Variants in EBF2 observed in about 807,000 individuals in gnomAD.
The protein encoded by EBF2 is EBF transcription factor 2, also known as transcription factor COE2.
In EBF2, 21 loss-of-function variants were observed where a neutral mutation model predicts 72.8. The ratio of observed to expected loss-of-function variants is 0.29; its 90% CI spans 0.20 to 0.42. The LOEUF is 0.42. Ranked by LOEUF, EBF2 falls within the 10% of genes least tolerant of loss-of-function variation. The pLI, the probability that EBF2 is intolerant of heterozygous loss-of-function variation, is 1.00. For synonymous variants in EBF2, 299 were observed against 274.2 expected (o/e 1.09, Z -0.89); for missense variants, 637 against 731.2 (o/e 0.87, Z 1.49).
chr8:25,918,140 G>T (rs1028489409), intron 6 of EBF2, among the ~76,000 whole-genome samples: 1 of 152,168 alleles, frequency 6.6e-6, no homozygotes, highest in East Asian at 1.9e-4. Context: ...AGAAAGTGGC[G>T]GACAAAGTTC....
At chr8:25,904,735 G>A (rs569423242) in intron 7 of EBF2, among the ~76,000 whole-genome samples, 1 of 152,168 alleles carries the variant, frequency 6.6e-6, no homozygotes, top group Non-Finnish European at 1.5e-5. Context: ...TTTGGAACCT[G>A]AACTAAGTTT....
At chr8:25,972,602 C>A (rs528374822) in intron 6 of EBF2, among the ~76,000 whole-genome samples, 4 of 152,242 alleles carry the variant, frequency 2.6e-5, no homozygotes, top group Admixed American at 6.5e-5. Context: ...TATGGAAACC[C>A]CTGCCTCATT....
intron 6 of EBF2, among the ~76,000 whole-genome samples, chr8:25,934,567 C>A (rs892960131): frequency 6.6e-6 from 1 of 152,156 alleles, no homozygotes; most frequent in Admixed American, 6.5e-5. Context: ...CTGTCCATGT[C>A]GTATCACAAG....
At chr8:26,015,155 G>A (rs1029210552) in intron 6 of EBF2, among the ~76,000 whole-genome samples, 7 of 152,104 alleles carry the variant, frequency 4.6e-5, no homozygotes, top group Non-Finnish European at 1.0e-4. Context: ...CCAGGAAAAG[G>A]TCATGGTGCT....
intron 6 of EBF2, among the ~76,000 whole-genome samples, chr8:25,979,420 G>A (rs1285483195): frequency 6.6e-6 from 1 of 152,336 alleles, no homozygotes; most frequent in East Asian, 1.9e-4. Flanking sequence ...GGAGATGGCT[G>A]TGGCGTGCTG....
At chr8:25,959,663 C>G (rs1320903865) in intron 6 of EBF2, among the ~76,000 whole-genome samples, 1 of 152,204 alleles carries the variant, frequency 6.6e-6, no homozygotes, top group Non-Finnish European at 1.5e-5. Context: ...TGTGTCAGCA[C>G]TGTAGCCATT....
intron 10 of EBF2, among the ~76,000 whole-genome samples, chr8:25,880,106 A>C (rs1175834480): frequency 6.6e-6 from 1 of 152,224 alleles, no homozygotes; most frequent in African/African-American, 2.4e-5. Context: ...TGTATAACAT[A>C]GCAGTTAACA....
At chr8:25,845,827 T>G (rs1010395156) in intron 15 of EBF2, among the ~76,000 whole-genome samples, 3 of 152,248 alleles carry the variant, frequency 2.0e-5, no homozygotes, top group African/African-American at 7.2e-5. Flanking sequence ...CTTTGCATTT[T>G]ACTATCTACA....
chr8:25,997,489 T>G (rs1485593798), intron 6 of EBF2, among the ~76,000 whole-genome samples: 2 of 150,938 alleles, frequency 1.3e-5, no homozygotes, highest in Non-Finnish European at 2.9e-5. Flanking sequence ...GAGGATCACT[T>G]GAGCCCAGGA....
At chr8:25,980,010 A>T (rs1010661760) in intron 6 of EBF2, among the ~76,000 whole-genome samples, 1 of 152,172 alleles carries the variant, frequency 6.6e-6, no homozygotes, top group Admixed American at 6.5e-5. Flanking sequence ...AAAAAGCTTC[A>T]TTCTGTGCTG....
intron 6 of EBF2, among the ~76,000 whole-genome samples, chr8:25,967,624 T>C (rs989394521): frequency 1.3e-5 from 2 of 152,220 alleles, no homozygotes; most frequent in Non-Finnish European, 2.9e-5. Context: ...TGCATATCAC[T>C]TTCACACCAT....
intron 6 of EBF2, among the ~76,000 whole-genome samples, chr8:25,971,367 C>T (rs927030300): frequency 6.6e-6 from 1 of 152,176 alleles, no homozygotes; most frequent in Non-Finnish European, 1.5e-5. Context: ...TTTTGCAGAT[C>T]CGTGTTCTCT....
At chr8:26,019,126 G>A (rs1223482556) in intron 6 of EBF2, among the ~76,000 whole-genome samples, 1 of 152,026 alleles carries the variant, frequency 6.6e-6, no homozygotes, top group Non-Finnish European at 1.5e-5. Context: ...ACTTTCCCTG[G>A]AATTATCCAA....
At chr8:25,878,650 GT>G (rs1475301892) in intron 10 of EBF2, among the ~76,000 whole-genome samples, 1 of 152,222 alleles carries the variant, frequency 6.6e-6, no homozygotes, top group Non-Finnish European at 1.5e-5. Flanking sequence ...CGGGGTGGAA[GT>G]TTTTCTAGAA....
chr8:25,880,802 A>G (rs1400665460), intron 10 of EBF2, among the ~76,000 whole-genome samples: 1 of 152,136 alleles, frequency 6.6e-6, no homozygotes, highest in Non-Finnish European at 1.5e-5. Flanking sequence ...TCATTAATCG[A>G]CATCTTTACA....
chr8:25,871,278 G>C (rs1165907822), intron 10 of EBF2, among the ~76,000 whole-genome samples: 1 of 152,202 alleles, frequency 6.6e-6, no homozygotes, highest in Non-Finnish European at 1.5e-5. Context: ...CTGTCTCCAA[G>C]GGCCAACCAG....
chr8:25,975,801 C>T (rs1804259282), intron 6 of EBF2, among the ~76,000 whole-genome samples: 1 of 152,012 alleles, frequency 6.6e-6, no homozygotes, highest in Non-Finnish European at 1.5e-5. Flanking sequence ...ACAGTGCACA[C>T]GATTACTGGG....
chr8:25,940,586 A>G (rs1409423918), intron 6 of EBF2, among the ~76,000 whole-genome samples: 2 of 151,298 alleles, frequency 1.3e-5, no homozygotes, highest in African/African-American at 2.4e-5. Flanking sequence ...ATTTCCTTCC[A>G]TCTTCATTTT....
intron 6 of EBF2, among the ~76,000 whole-genome samples, chr8:25,963,108 T>C (rs1804060831): frequency 2.0e-5 from 3 of 152,228 alleles, no homozygotes; most frequent in Admixed American, 2.0e-4. Flanking sequence ...GTTCCTGTTG[T>C]TGATATCCCT....
Sources: allele counts gnomAD v4.1 joint callset (sites outside exome capture counted in the v4.1 genomes callset), GRCh38; gene constraint gnomAD v4.1.1; transcripts MANE v1.5; gene names NCBI Gene and HGNC (gene_info 2026-07-23, HGNC 2026-07-21).